Variants in BSN observed in about 807,000 individuals in gnomAD.
BSN encodes the protein bassoon presynaptic cytomatrix protein.
Under a neutral mutation model 264.8 loss-of-function variants are expected in BSN, and 57 were observed. That is an observed-to-expected ratio of 0.22 (90% CI 0.17 to 0.27). The LOEUF (loss-of-function observed/expected upper bound fraction) is 0.27, where lower values mean the gene tolerates loss of function less well. BSN is among the 10% of genes least tolerant of loss of function. The pLI is 1.00. For synonymous variants in BSN, 2,059 were observed against 2,137.3 expected (o/e 0.96, Z 1.01); for missense variants, 4,615 against 5,232.5 (o/e 0.88, Z 3.64).
rs536516626 is a variant in BSN, at chr3:49,654,487, G to C, written c.4931G>C (p.Arg1644Pro). The C allele has an allele frequency of 6.2e-7, 1 of 1,610,482 alleles. No individual in the cohort carries two copies. The highest frequency in any genetic ancestry group is 1.7e-5 in the Admixed American group (1 of 59,782). Reference protein sequence around the residue: ...ALPAENISLCRISSVPGTSRV... With the variant: ...ALPAENISLCPISSVPGTSRV... ...CCTGCTGAGAACATCTCCCTGTGCC[G>C]GATCTCCTCTGTCCCTGGGACGTCT... The change falls in exon 5 of 12, where the codon CGG (arginine) becomes CCG (proline). Residue 1644 changes from arginine to proline, a missense_variant. This residue lies in a region of BSN where 3,415 missense variants were observed against 3,866.4 expected (regional missense o/e 0.88). Transcript: ENST00000296452. This position sits in a 1 kb window ranked among gnomAD's most constrained non-coding sequence, Gnocchi z 4.1.
intron 1 of BSN, among the ~76,000 whole-genome samples, chr3:49,600,477 G>T (rs1485042082): frequency 6.6e-6 from 1 of 152,144 alleles, no homozygotes; most frequent in Non-Finnish European, 1.5e-5. Flanking sequence ...TGAGTCTAAA[G>T]GTGGCAGAGG....
In BSN at chr3:49,661,155, C is replaced by T. The variant is rs529876414; in HGVS notation, c.9310C>T (p.Pro3104Ser). Residue 3104 changes from proline to serine, a missense_variant, in exon 6 of 12, where the codon CCT becomes TCT. This residue lies in a region of BSN where 3,415 missense variants were observed against 3,866.4 expected (regional missense o/e 0.88). Coordinates refer to ENST00000296452, the MANE Select transcript of BSN (RefSeq NM_003458.4). The stretch of plus-strand genomic sequence containing the variant: ...TCCTGGTGCCAGTTACCCAGCTGAG[C>T]CTGGCCTGCCAAACCAGCAGGCTTT... ...FPPGASYPAE[P>S]GLPNQQAFRP... 1 of 1,613,270 alleles carries T rather than the reference C, an allele frequency of 6.2e-7. No individual in the cohort carries two copies. The highest frequency in any genetic ancestry group is 2.2e-5 in the East Asian group (1 of 44,864).
rs117320565 is a variant in BSN, at chr3:49,578,894, G to A, written c.224+24068G>A. On this transcript the variant is annotated intron_variant, in intron 1 of 11. Transcript: ENST00000296452. ...ATGGAATCATGCAATGTGTGTTTTG[G>A]GGGTTTGGCTTCTTTCACTTAGTGT... is the stretch of plus-strand genomic sequence containing the variant. Among the ~76,000 whole-genome samples the A allele has an allele frequency of 1.2e-3, 176 of 152,144 alleles. 2 individuals carry two copies. The East Asian group carries it at 0.031, about 27-fold the overall frequency.
intron 1 of BSN, among the ~76,000 whole-genome samples, chr3:49,614,380 T>C (rs2052241677): frequency 6.6e-6 from 1 of 152,184 alleles, no homozygotes; most frequent in Admixed American, 6.6e-5. Flanking sequence ...TTTAAAGTTA[T>C]ACTGAACTCA....
chr3:49,639,359 C>T (rs541875937), intron 2 of BSN, among the ~76,000 whole-genome samples: 8 of 152,084 alleles, frequency 5.3e-5, no homozygotes, highest in East Asian at 3.9e-4. Flanking sequence ...CCACCACACC[C>T]GGCTAATTTT....
chr3:49,578,596 A>G (rs983073335), intron 1 of BSN, among the ~76,000 whole-genome samples: 1 of 91,256 alleles, frequency 1.1e-5, no homozygotes, highest in African/African-American at 3.8e-5. Flanking sequence ...TTTAGTAGAG[A>G]TGGGGTTTCA....
chr3:49,642,645 T>G lies in BSN; in HGVS notation c.1011T>G (p.Gly337=), dbSNP rs143009125. Reference sequence around the variant, plus strand: ...CCACCGCAGTGCCCGCTGGGCTTGGTGCCACTGAGCAGACCCAGGAGGGCC... The same window carrying G: ...CCACCGCAGTGCCCGCTGGGCTTGGGGCCACTGAGCAGACCCAGGAGGGCC... The part of the protein sequence containing the change: ...KSATAVPAGL[G]ATEQTQEGLT... The change falls in exon 3 of 12, where the codon GGT becomes GGG. Residue 337 remains glycine, a synonymous_variant. Coordinates refer to ENST00000296452, the MANE Select transcript of BSN (RefSeq NM_003458.4). The surrounding 1 kb of genome is among the most constrained non-coding windows in gnomAD (Gnocchi z 7.0). 4 of 1,603,690 alleles carry G rather than the reference T, an allele frequency of 2.5e-6. No individual in the cohort carries two copies. The highest frequency in any genetic ancestry group is 3.4e-6 in the Non-Finnish European group (4 of 1,174,118).
intron 11 of BSN, among the ~76,000 whole-genome samples, chr3:49,667,237 C>T (rs555742870): frequency 1.9e-4 from 29 of 150,382 alleles, no homozygotes; most frequent in Admixed American, 7.3e-4. Context: ...AAATTCTTTA[C>T]GGCAATTTCA....
At chr3:49,568,801 G>A (rs1575425557) in intron 1 of BSN, among the ~76,000 whole-genome samples, 1 of 152,166 alleles carries the variant, frequency 6.6e-6, no homozygotes, top group Non-Finnish European at 1.5e-5. Context: ...GTGTCTGTGC[G>A]ATAGTTTCCT....
chr3:49,566,930 A>G (rs2051756325), intron 1 of BSN, among the ~76,000 whole-genome samples: 1 of 152,202 alleles, frequency 6.6e-6, no homozygotes, highest in South Asian at 2.1e-4. Flanking sequence ...TTATTTCATA[A>G]CAGGTTGCAA....
chr3:49,561,120 GC>G (rs1419856242), intron 1 of BSN, among the ~76,000 whole-genome samples: 2 of 152,334 alleles, frequency 1.3e-5, no homozygotes, highest in East Asian at 3.9e-4. Flanking sequence ...CACATGGGAA[GC>G]CTCCAGGGAG....
In BSN at chr3:49,653,058, C is replaced by G; in HGVS notation, c.3502C>G (p.Pro1168Ala). ...FMSLYSPTET[P>A]SGSSTTPSSG... ...GTCCCTCTACTCACCAACCGAGACA[C>G]CCTCCGGCAGCTCCACCACTCCCAG... The change falls in exon 5 of 12, where the codon CCC becomes GCC. Residue 1168 changes from proline (P) to alanine (A), a missense_variant. Pro to Ala is a conservative substitution (Grantham distance 27). Around this residue, in one of 3 missense-constraint regions of BSN, gnomAD observed 3,415 missense variants for 3,866.4 expected, o/e 0.88. Transcript: ENST00000296452. The surrounding 1 kb of genome is among the most constrained non-coding windows in gnomAD (Gnocchi z 6.3). The G allele has an allele frequency of 6.2e-7, 1 of 1,613,600 alleles. No individual in the cohort carries two copies. The highest frequency in any genetic ancestry group is 8.5e-7 in the Non-Finnish European group (1 of 1,180,020).
intron 1 of BSN, among the ~76,000 whole-genome samples, chr3:49,608,960 C>T (rs2052181410): frequency 6.6e-6 from 1 of 151,868 alleles, no homozygotes; most frequent in South Asian, 2.1e-4. Flanking sequence ...CACAAGCACA[C>T]AAGGAGCCCT....
intron 2 of BSN, among the ~76,000 whole-genome samples, chr3:49,628,957 G>A (rs1299151707): frequency 1.3e-5 from 2 of 152,142 alleles, no homozygotes; most frequent in Non-Finnish European, 2.9e-5. Context: ...CTCAGGGCAA[G>A]CGAGTAATTT....
In BSN at chr3:49,625,071, G is replaced by T; in HGVS notation, c.321G>T (p.Glu107Asp). 1 of 1,606,070 alleles carries T rather than the reference G, an allele frequency of 6.2e-7. No homozygotes were observed. The highest frequency in any genetic ancestry group is 8.5e-7 in the Non-Finnish European group (1 of 1,176,696). The change falls in exon 2 of 12, where the codon GAG becomes GAT. Residue 107 changes from glutamate to aspartate, a missense_variant. This residue lies in a region of BSN where 1,197 missense variants were observed against 1,348.0 expected (regional missense o/e 0.89). Coordinates refer to ENST00000296452, the MANE Select transcript of BSN (RefSeq NM_003458.4). The surrounding 1 kb of genome is among the most constrained non-coding windows in gnomAD (Gnocchi z 4.4). ...KQASATTPGH[E>D]SPRETRAQGP... is the part of the protein sequence containing the mutation. ...CTTCTGCTACCACTCCTGGCCATGA[G>T]AGCCCCCGAGAGACAAGGGCACAGG...
chr3:49,614,286 C>G (rs2052240314), intron 1 of BSN, among the ~76,000 whole-genome samples: 2 of 151,762 alleles, frequency 1.3e-5, no homozygotes, highest in Non-Finnish European at 2.9e-5. Context: ...GTCTTGATCT[C>G]CTGACCTCGT....
chr3:49,664,915 G>T, intron 10 of BSN, 62 bp downstream of exon 10: 1 of 1,341,476 alleles, frequency 7.5e-7, no homozygotes. Flanking sequence ...TGGGGGTGGG[G>T]GTGGGGCTCT....
chr3:49,639,340 A>G (rs1195272578), intron 2 of BSN, among the ~76,000 whole-genome samples: 4 of 151,828 alleles, frequency 2.6e-5, no homozygotes, highest in Non-Finnish European at 5.9e-5. Context: ...CTGGGACTAC[A>G]GGCATGTGCC....
At chr3:49,584,285 ATTT>A (rs34680713) in intron 1 of BSN, among the ~76,000 whole-genome samples, 1 of 149,174 alleles carries the variant, frequency 6.7e-6, no homozygotes, top group African/African-American at 2.5e-5. Flanking sequence ...AGGCTTATTG[ATTT>A]TTTTTTTATC....
Sources: allele counts gnomAD v4.1 joint callset (sites outside exome capture counted in the v4.1 genomes callset), GRCh38; gene constraint gnomAD v4.1.1; regional missense constraint gnomAD v4.1.1; non-coding constraint Gnocchi (gnomAD v3.1); transcripts MANE v1.5; gene names NCBI Gene and HGNC (gene_info 2026-07-23, HGNC 2026-07-21).